Variants in MAD1L1 observed in about 807,000 individuals in gnomAD.
MAD1L1 encodes mitotic spindle assembly checkpoint protein MAD1.
In MAD1L1, 95 loss-of-function variants were observed where a neutral mutation model predicts 96.9. The observed-to-expected ratio is 0.98, with a 90% CI of 0.83 to 1.16. The LOEUF (loss-of-function observed/expected upper bound fraction) is 1.16, where lower values mean the gene tolerates loss of function less well. Among genes scored for constraint, MAD1L1 ranks in the 50% most tolerant of loss-of-function variants. The probability of loss-of-function intolerance (pLI) is 0.00; values close to 1 mark genes in which losing one functional copy is unlikely to be tolerated. For missense variants in MAD1L1, 1,007 were observed against 954.4 expected (o/e 1.06, Z -0.73); for synonymous variants, 473 against 396.6 (o/e 1.19, Z -2.29).
chr7:2,163,476 C>A (rs996971223), intron 10 of MAD1L1, among the ~76,000 whole-genome samples: 1 of 152,166 alleles, frequency 6.6e-6, no homozygotes, highest in African/African-American at 2.4e-5. Context: ...CCGGTTCAAG[C>A]GATTCTTCTG....
At chr7:1,854,350 TG>T (rs1784132511) in intron 18 of MAD1L1, 1 of 470,736 alleles carries the variant, frequency 2.1e-6, no homozygotes, top group Non-Finnish European at 4.2e-6. Flanking sequence ...ACCCCCGCTG[TG>T]GGGGAACCTA....
intron 18 of MAD1L1, among the ~76,000 whole-genome samples, chr7:1,863,067 G>C (rs1784605642): frequency 6.6e-6 from 1 of 152,334 alleles, no homozygotes; most frequent in East Asian, 1.9e-4. Context: ...GGCTGGGAGG[G>C]GACGCTGCAC....
chr7:1,878,739 C>CTTATTTTTATTCTTATA (rs1562483384), intron 18 of MAD1L1, among the ~76,000 whole-genome samples: 2 of 148,670 alleles, frequency 1.3e-5, no homozygotes, highest in East Asian at 4.1e-4. Context: ...TGTCCCCCCC[C>CTTATTTTTATTCTTATA]CCCCATTCTT....
In MAD1L1 at chr7:1,929,045, G is replaced by A. The variant is rs566286051; in HGVS notation, c.1807+7642C>T. 2.8e-3 allele frequency among the ~76,000 whole-genome samples: 434 copies of A among 152,338 alleles called. 2 individuals are homozygous for A. The highest frequency in any genetic ancestry group is 0.01 in the African/African-American group (425 of 41,572). On this transcript the variant is annotated intron_variant, in intron 17 of 18. Coordinates refer to ENST00000265854, the MANE Select transcript of MAD1L1 (RefSeq NM_001013836.2). ...AGTCACTGCTCCCGTCCTCAGCCCA[G>A]GCAGGGACACCAAACCAGGCCTCCC...
chr7:1,973,349 G>A (rs1014842373), intron 15 of MAD1L1, among the ~76,000 whole-genome samples: 9 of 152,124 alleles, frequency 5.9e-5, no homozygotes, highest in East Asian at 1.9e-4. Context: ...TTCTGCCACC[G>A]CACAGACCTG....
In MAD1L1 at chr7:1,896,129, G is replaced by C. The variant is rs984108890; in HGVS notation, c.1998+2071C>G. 1.1e-3 allele frequency among the ~76,000 whole-genome samples: 174 copies of C among 152,316 alleles called. 10 individuals are homozygous for C. The highest frequency in any genetic ancestry group is 3.4e-3 in the Middle Eastern group (1 of 294). On this transcript the variant is annotated intron_variant, in intron 18 of 18. Transcript: ENST00000265854. ...CAGCTCCTGGGCTCTCTGTCCGCCT[G>C]CCTCCTCCTCCTGGGGCCCCCTTCC... is the stretch of plus-strand genomic sequence containing the variant.
chr7:1,897,986 A>G (rs12670837), intron 18 of MAD1L1: 21,675 of 597,108 alleles, frequency 0.036, 1,377 homozygotes, highest in African/African-American at 0.18. Flanking sequence ...TGCACCCAGG[A>G]GGTCCAGGGC....
intron 16 of MAD1L1, among the ~76,000 whole-genome samples, chr7:1,940,782 T>C (rs911237441): frequency 1.3e-5 from 2 of 152,332 alleles, no homozygotes; most frequent in South Asian, 4.1e-4. Context: ...ATTCTTCTTT[T>C]GATTTTCTTC....
At chr7:1,857,696 C>T (rs1044240200) in intron 18 of MAD1L1, among the ~76,000 whole-genome samples, 1 of 152,204 alleles carries the variant, frequency 6.6e-6, no homozygotes, top group South Asian at 2.1e-4. Flanking sequence ...AAAGAGGACA[C>T]AGGAGTGTGG....
chr7:2,032,671 A>T (rs1050327810), intron 12 of MAD1L1, among the ~76,000 whole-genome samples: 6 of 152,208 alleles, frequency 3.9e-5, no homozygotes, highest in Non-Finnish European at 7.3e-5. Flanking sequence ...AGTACCTCCC[A>T]CCAGGCTCGA....
chr7:2,133,236 T>G (rs1028093271), intron 11 of MAD1L1, among the ~76,000 whole-genome samples: 5 of 138,744 alleles, frequency 3.6e-5, no homozygotes, highest in Admixed American at 7.0e-5. Context: ...CATCTCCTCA[T>G]GTGCTTCTCC....
chr7:1,846,992 C>A (rs928124013), intron 18 of MAD1L1: 3 of 328,056 alleles, frequency 9.1e-6, no homozygotes, highest in Non-Finnish European at 1.2e-5. Flanking sequence ...TCCGCGTTTT[C>A]ATTGACCACA....
intron 17 of MAD1L1, among the ~76,000 whole-genome samples, chr7:1,899,372 G>A (rs1583702049): frequency 1.3e-5 from 2 of 152,264 alleles, no homozygotes; most frequent in Admixed American, 1.3e-4. Flanking sequence ...GCCCTCCAGG[G>A]GCCTGGGACT....
intron 18 of MAD1L1, among the ~76,000 whole-genome samples, chr7:1,816,518 C>T (rs1450926108): frequency 6.6e-6 from 1 of 152,158 alleles, no homozygotes; most frequent in African/African-American, 2.4e-5. Context: ...TTGCTCCTTC[C>T]TCCACCTGGG....
intron 14 of MAD1L1, among the ~76,000 whole-genome samples, chr7:1,983,154 GCACACACACACACA>G (rs976027470): frequency 2.5e-4 from 8 of 31,492 alleles, no homozygotes; most frequent in African/African-American, 9.0e-4. Flanking sequence ...GCGCGCGCGC[GCACACACACACACA>G]CACACACACA....
chr7:2,162,637 T>C (rs187967428), intron 10 of MAD1L1, among the ~76,000 whole-genome samples: 367 of 125,260 alleles, frequency 2.9e-3, no homozygotes, highest in Non-Finnish European at 4.0e-3. Context: ...GTAAATGATA[T>C]CTTAAAAAAA....
chr7:1,856,329 G>A (rs970815106), intron 18 of MAD1L1, among the ~76,000 whole-genome samples: 3 of 152,184 alleles, frequency 2.0e-5, no homozygotes, highest in Admixed American at 6.5e-5. Context: ...GTGGGGCCAC[G>A]CTCTGGGCTC....
chr7:2,063,937 A>G (rs1432671556), intron 12 of MAD1L1, among the ~76,000 whole-genome samples: 1 of 152,158 alleles, frequency 6.6e-6, no homozygotes, highest in Non-Finnish European at 1.5e-5. Flanking sequence ...GGCCTCCTCA[A>G]ACCCCAGGCC....
rs143170656 is a variant in MAD1L1, at chr7:1,969,312, G to A, written c.1505+11141C>T. On this transcript the variant is annotated intron_variant, in intron 15 of 18. Coordinates refer to ENST00000265854, the MANE Select transcript of MAD1L1 (RefSeq NM_001013836.2). The stretch of plus-strand genomic sequence containing the variant: ...GGCAGGATTCACTTGAACCCGGGAG[G>A]CAGAGGTTGCAGTGAGCCAAGATGG... Among the ~76,000 whole-genome samples, 662 of 152,230 alleles carry A rather than the reference G, an allele frequency of 4.3e-3. 6 individuals carry two copies. The highest frequency in any genetic ancestry group is 0.015 in the African/African-American group (608 of 41,534).
Sources: gnomAD v4.1 joint callset for allele counts (sites outside exome capture counted in the v4.1 genomes callset) on GRCh38, gnomAD v4.1.1 for gene constraint, MANE v1.5 for transcripts, NCBI Gene and HGNC (gene_info 2026-07-23, HGNC 2026-07-21) for gene names.